PARD3: variants seen among roughly 807,000 people sequenced by gnomAD.
PARD3 encodes the protein par-3 family cell polarity regulator.
A neutral mutation model predicts 155.4 loss-of-function variants in PARD3; 75 were observed. That is an observed-to-expected ratio of 0.48 (90% CI 0.40 to 0.58). PARD3 has a LOEUF of 0.58. Ranked by LOEUF, PARD3 falls within the 20% of genes least tolerant of loss-of-function variation. The probability of loss-of-function intolerance (pLI) is 0.00; values close to 1 mark genes in which losing one functional copy is unlikely to be tolerated. For missense variants in PARD3, 1,642 were observed against 1,721.7 expected, an observed-to-expected ratio of 0.95 and a Z score of 0.82; for synonymous variants, 576 against 610.5, an observed-to-expected ratio of 0.94 and a Z score of 0.83.
chr10:34,337,224 T>C, intron 17 of PARD3, 51 bp downstream of exon 17: 1 of 1,168,858 alleles, frequency 8.6e-7, no homozygotes, highest in Non-Finnish European at 1.2e-6. Flanking sequence ...AATTTTATCC[T>C]GAAAGCATTT....
At chr10:34,647,836 T>C (rs779537687) in intron 2 of PARD3, among the ~76,000 whole-genome samples, 8 of 152,204 alleles carry the variant, frequency 5.3e-5, no homozygotes, top group Non-Finnish European at 7.3e-5. Context: ...ATAAATATAT[T>C]TGGAAGCCTA....
chr10:34,460,277 A>G (rs2077561244), intron 4 of PARD3, among the ~76,000 whole-genome samples: 1 of 152,152 alleles, frequency 6.6e-6, no homozygotes, highest in African/African-American at 2.4e-5. Context: ...GAATTTGAGT[A>G]ACGTCTATTG....
chr10:34,439,383 A>G (rs2076347991), intron 5 of PARD3, among the ~76,000 whole-genome samples: 1 of 152,078 alleles, frequency 6.6e-6, no homozygotes, highest in Non-Finnish European at 1.5e-5. Flanking sequence ...TGGAAATGAC[A>G]GTAACTTGCA....
intron 1 of PARD3, among the ~76,000 whole-genome samples, chr10:34,789,547 A>G (rs1841398850): frequency 6.6e-6 from 1 of 151,932 alleles, no homozygotes; most frequent in Non-Finnish European, 1.5e-5. Context: ...AAAAAAAAAT[A>G]CAAAAAGTTA....
rs4934630 is a variant in PARD3, at chr10:34,381,853, C to T, written c.1399+687G>A. 2.5e-3 allele frequency among the ~76,000 whole-genome samples: 323 copies of T among 130,008 alleles called. 9 individuals carry two copies. The Admixed American group carries it at 0.028, about 11-fold the overall frequency. 85.3% of individuals were successfully genotyped at this position (130,008 alleles called of 152,430 possible). A position where few individuals can be genotyped will look rare whatever the true frequency, so the allele number is the denominator to read the frequency against. On this transcript the variant is annotated intron_variant, in intron 9 of 24. Coordinates refer to ENST00000374788, the MANE Select transcript of PARD3 (RefSeq NM_001184785.2). ...GGCTGACATGGGGTGTTGCGGGCTA[C>T]GGTGAGCTATGACTGCACCACTGCA...
At chr10:34,415,552 A>C (rs1297630034) in intron 5 of PARD3, among the ~76,000 whole-genome samples, 1 of 152,222 alleles carries the variant, frequency 6.6e-6, no homozygotes, top group African/African-American at 2.4e-5. Context: ...AAATGCTATC[A>C]ATCAATGAAT....
At position 34,470,231 on chromosome 10, in the gene PARD3, G is replaced by C; in HGVS notation, c.436C>G (p.Pro146Ala). ...GAAGTGGAGAGGCCAATTAGAGCTG[G>C]GTCACTACTGCGTCGAACATGAAGA... ...MPLHVRRSSD[P>A]ALIGLSTSVS... Residue 146 changes from proline to alanine, a missense_variant, in exon 4 of 25, where the codon CCA becomes GCA. Transcript: ENST00000374788. 1 of 1,611,400 alleles carries C rather than the reference G, an allele frequency of 6.2e-7. No homozygotes were observed. Among genetic ancestry groups the C allele is most frequent in the Non-Finnish European group, 8.5e-7 (1 of 1,178,712 alleles).
intron 1 of PARD3, among the ~76,000 whole-genome samples, chr10:34,706,273 C>A (rs1166668475): frequency 6.6e-6 from 1 of 152,186 alleles, no homozygotes; most frequent in Non-Finnish European, 1.5e-5. Context: ...GGCAAGAGGT[C>A]ACAATTCATA....
At chr10:34,334,503 A>G (rs994960681) in intron 18 of PARD3, among the ~76,000 whole-genome samples, 2 of 151,894 alleles carry the variant, frequency 1.3e-5, no homozygotes, top group African/African-American at 2.4e-5. Context: ...GGACTAATCT[A>G]TAAAATCATA....
rs376343298 is a variant in PARD3, at chr10:34,494,284, G to C, written c.403+22695C>G. On this transcript the variant is annotated intron_variant, in intron 3 of 24. Coordinates refer to ENST00000374788, the MANE Select transcript of PARD3 (RefSeq NM_001184785.2). ...AGACAAAGGGAAAAGAGAGTGCCTA[G>C]AGTTAAGCAGGAAGAAGACTCATCC... Among the ~76,000 whole-genome samples, 4 of 152,308 alleles carry C rather than the reference G, an allele frequency of 2.6e-5. No homozygotes were observed. The East Asian group carries it at 7.7e-4, about 29-fold the overall frequency.
chr10:34,795,184 C>T (rs1842112279), intron 1 of PARD3, among the ~76,000 whole-genome samples: 1 of 152,262 alleles, frequency 6.6e-6, no homozygotes, highest in Non-Finnish European at 1.5e-5. Flanking sequence ...CATGCAGGTG[C>T]TCCAGTCAAC....
At chr10:34,602,403 A>G (rs1423648707) in intron 2 of PARD3, among the ~76,000 whole-genome samples, 2 of 152,210 alleles carry the variant, frequency 1.3e-5, no homozygotes, top group Non-Finnish European at 2.9e-5. Context: ...TTCCTGCTCT[A>G]ATTATGAATG....
chr10:34,614,045 A>G (rs186747525), intron 2 of PARD3, among the ~76,000 whole-genome samples: 44 of 152,336 alleles, frequency 2.9e-4, no homozygotes, highest in Non-Finnish European at 5.4e-4. Flanking sequence ...ACTCATACAT[A>G]CATGTGTTTG....
chr10:34,738,072 G>A (rs1051604014), intron 1 of PARD3, among the ~76,000 whole-genome samples: 7 of 152,216 alleles, frequency 4.6e-5, no homozygotes, highest in East Asian at 3.9e-4. Flanking sequence ...CAATACCCTC[G>A]AATATTTTCT....
At chr10:34,490,794 C>CT (rs567950686) in intron 3 of PARD3, among the ~76,000 whole-genome samples, 1 of 152,290 alleles carries the variant, frequency 6.6e-6, no homozygotes, top group South Asian at 2.1e-4. Context: ...TTTGTATACT[C>CT]TTTGAGTTAT....
At chr10:34,805,968 C>T (rs1843331754) in intron 1 of PARD3, among the ~76,000 whole-genome samples, 1 of 151,658 alleles carries the variant, frequency 6.6e-6, no homozygotes, top group East Asian at 2.0e-4. Context: ...CAGAGCGAGA[C>T]TCCGTCTCAA....
chr10:34,790,888 C>T (rs890376234), intron 1 of PARD3, among the ~76,000 whole-genome samples: 4 of 152,222 alleles, frequency 2.6e-5, no homozygotes, highest in Non-Finnish European at 5.9e-5. Flanking sequence ...CCTGGAAATT[C>T]CAACAGTCAG....
At chr10:34,306,612 G>A (rs1184131240) in intron 20 of PARD3, among the ~76,000 whole-genome samples, 6 of 152,100 alleles carry the variant, frequency 3.9e-5, no homozygotes, top group Non-Finnish European at 5.9e-5. Context: ...TCGTGCCGTC[G>A]CACTCCAGCC....
intron 1 of PARD3, among the ~76,000 whole-genome samples, chr10:34,784,680 G>C (rs751709399): frequency 6.6e-6 from 1 of 152,050 alleles, no homozygotes; most frequent in Non-Finnish European, 1.5e-5. Flanking sequence ...CAAGCGATCC[G>C]CCCGCCTCAG....
Sources: gnomAD v4.1 joint callset for allele counts (sites outside exome capture counted in the v4.1 genomes callset) on GRCh38, gnomAD v4.1.1 for gene constraint, MANE v1.5 for transcripts, NCBI Gene and HGNC (gene_info 2026-07-23, HGNC 2026-07-21) for gene names.